The following C2CD5 variants were observed in gnomAD, a reference collection of about 807,000 sequenced individuals.
C2CD5 encodes C2 domain-containing protein 5.
Under a neutral mutation model 130.3 loss-of-function variants are expected in C2CD5, and 109 were observed. The ratio of observed to expected loss-of-function variants is 0.84; its 90% confidence interval spans 0.72 to 0.98. C2CD5 has a LOEUF of 0.98. Ranked by LOEUF, C2CD5 falls within the 50% of genes least tolerant of loss-of-function variation. C2CD5 has a pLI of 0.00. For synonymous variants in C2CD5, 454 were observed against 429.2 expected (o/e 1.06, Z -0.71); for missense variants, 996 against 1,261.8 (o/e 0.79, Z 3.19).
At chr12:22,457,972 G>A (rs1202893621) in intron 24 of C2CD5, among the ~76,000 whole-genome samples, 3 of 151,956 alleles carry the variant, frequency 2.0e-5, no homozygotes, top group Non-Finnish European at 4.4e-5. Flanking sequence ...TTAATGTACG[G>A]TAAGCTCTTT....
At chr12:22,486,699 CATTTA>C in intron 12 of C2CD5, among the ~76,000 whole-genome samples, 1 of 152,206 alleles carries the variant, frequency 6.6e-6, no homozygotes, top group Non-Finnish European at 1.5e-5. Flanking sequence ...GACAGAAGCT[CATTTA>C]ATTTATTGTT....
chr12:22,513,315 A>C lies in C2CD5; in HGVS notation c.1017T>G (p.Thr339=), dbSNP rs1949391719. Residue 339 remains threonine, a synonymous_variant, in exon 9 of 27, where the codon ACT becomes ACG. Transcript: ENST00000446597. ...GPFKALLRQQ[T]QSALEQREFP... is the part of the protein sequence containing the mutation. ...TTACCCTCTGTTCCAACGCTGATTG[A>C]GTCTGTTGTCTTAAAAGAGCTTTAA... 2 of 1,610,448 alleles carry C rather than the reference A, an allele frequency of 1.2e-6. No homozygotes were observed.
intron 9 of C2CD5, 44 bp downstream of exon 9, chr12:22,513,250 T>C (rs768212982): frequency 2.6e-5 from 33 of 1,289,344 alleles, no homozygotes; most frequent in African/African-American, 5.8e-5. Flanking sequence ...GATAACAAAG[T>C]CATATTAACA....
rs1160217165 is a variant in C2CD5 at position 22,535,253 on chromosome 12, CTTACCTCAAATTTAAACCACTCCGAG to C, written c.156_177+4del. 3 of 1,545,280 alleles carry C rather than the reference CTTACCTCAAATTTAAACCACTCCGAG, an allele frequency of 1.9e-6. No individual in the cohort carries two copies. Among genetic ancestry groups the C allele is most frequent in the Non-Finnish European group, 1.8e-6 (2 of 1,119,432 alleles). On this transcript the variant is annotated splice_donor_variant and splice_donor_region_variant and coding_sequence_variant and intron_variant, in exon 3 of 27. Transcript: ENST00000446597. LOFTEE classifies it high-confidence loss of function. ...ACTCAAAAATGCTGACATTTAAAAACTTACCTCAAATTTAAACCACTCCGAGTTCCACTGAGGGTTGAGTGACTTAA... is the reference window on the plus strand; with the variant it reads ...ACTCAAAAATGCTGACATTTAAAAACTTCCACTGAGGGTTGAGTGACTTAA...
intron 22 of C2CD5, chr12:22,460,465 AT>A (rs1272182682): frequency 6.6e-6 from 1 of 151,744 alleles, no homozygotes; most frequent in Non-Finnish European, 1.5e-5. Flanking sequence ...TTTTGGTAAC[AT>A]TCTTAAATTA....
In C2CD5 at chr12:22,525,648, C is replaced by A. The variant is rs139822705; in HGVS notation, c.407G>T (p.Arg136Leu). The A allele has an allele frequency of 1.3e-6, 2 of 1,588,502 alleles. No individual in the cohort carries two copies. Among genetic ancestry groups the A allele is most frequent in the Non-Finnish European group, 1.7e-6 (2 of 1,157,306 alleles). The change falls in exon 5 of 27, where the codon CGA becomes CTA. Residue 136 changes from arginine (R) to leucine (L), a missense_variant. By Grantham distance (102) the Arg-to-Leu change is moderately radical. Transcript: ENST00000446597. ...GACTCCACATGATGACTGCCTAAAT[C>A]GATTTAAATCATTGAAGAGGTCTAC... ...VKVDLFNDLN[R>L]FRQSSCGVKF...
intron 20 of C2CD5, 45 bp downstream of exon 20, chr12:22,471,354 A>G (rs1292527281): frequency 9.7e-7 from 1 of 1,035,626 alleles, no homozygotes; most frequent in Non-Finnish European, 1.5e-6. Context: ...TGAAAATAAT[A>G]AAACAGATCA....
rs373417935 is a variant in C2CD5, at chr12:22,452,937, G to C, written c.3024+959C>G. ...TAAAACAATTTTGCATTTCCATAAT[G>C]TCTTTTCAAACTGCTTATATATTTA... is the stretch of plus-strand genomic sequence containing the variant. On this transcript the variant is annotated intron_variant, in intron 26 of 26. Transcript: ENST00000446597. Among the ~76,000 whole-genome samples the C allele has an allele frequency of 2.6e-5, 4 of 151,980 alleles. No individual in the cohort carries two copies. In the East Asian group the frequency reaches 7.7e-4, roughly 29 times the overall value.
At chr12:22,528,363 C>T (rs1950916815) in intron 3 of C2CD5, among the ~76,000 whole-genome samples, 1 of 152,180 alleles carries the variant, frequency 6.6e-6, no homozygotes, top group South Asian at 2.1e-4. Context: ...CCTAAGTTCA[C>T]AAATTAAGTT....
intron 24 of C2CD5, among the ~76,000 whole-genome samples, chr12:22,457,713 A>G (rs1043369920): frequency 6.6e-6 from 1 of 152,168 alleles, no homozygotes; most frequent in Non-Finnish European, 1.5e-5. Context: ...AAAAAATAAT[A>G]GCTACCACTT....
At chr12:22,503,558 T>C (rs559723262) in intron 10 of C2CD5, among the ~76,000 whole-genome samples, 1 of 152,322 alleles carries the variant, frequency 6.6e-6, no homozygotes, top group South Asian at 2.1e-4. Context: ...TCACCTAGGC[T>C]GGAGTGCAGT....
chr12:22,541,775 C>A (rs1013023595), intron 2 of C2CD5, among the ~76,000 whole-genome samples: 6 of 152,122 alleles, frequency 3.9e-5, no homozygotes, highest in Non-Finnish European at 7.4e-5. Context: ...TTCATGGCAC[C>A]CATCCCAACT....
chr12:22,474,654 T>C (rs1052521407), intron 16 of C2CD5, 97 bp downstream of exon 16: 17 of 800,828 alleles, frequency 2.1e-5, no homozygotes, highest in Non-Finnish European at 3.0e-5. Context: ...TTTATAACAG[T>C]TGTAATGATA....
At position 22,472,750 on chromosome 12, in the gene C2CD5, G is replaced by T; in HGVS notation, c.2101C>A (p.Pro701Thr). 1 of 1,552,504 alleles carries T rather than the reference G, an allele frequency of 6.4e-7. No individual in the cohort carries two copies. Among genetic ancestry groups the T allele is most frequent in the Non-Finnish European group, 8.9e-7 (1 of 1,124,640 alleles). ...VHSLLTDVPP[P>T]SGFYSCNTEI... ...AGATAACTTTTTTGTTCACCTGAAG[G>T]AGGAGGAACATCAGTAAGTAGAGAA... The change falls in exon 17 of 27, where the codon CCT becomes ACT. Residue 701 changes from proline (P) to threonine (T), a missense_variant. Around this residue, in one of 9 missense-constraint regions of C2CD5, gnomAD observed 590 missense variants for 631.4 expected, o/e 0.93. Coordinates refer to ENST00000446597, the MANE Select transcript of C2CD5 (RefSeq NM_001286176.2).
intron 10 of C2CD5, among the ~76,000 whole-genome samples, chr12:22,493,787 C>T (rs1387309349): frequency 6.6e-6 from 1 of 151,682 alleles, no homozygotes; most frequent in African/African-American, 2.4e-5. Flanking sequence ...ATTGTGGGTT[C>T]TTTCCAAGGC....
At chr12:22,486,442 A>C (rs1012847236) in intron 12 of C2CD5, among the ~76,000 whole-genome samples, 1 of 152,188 alleles carries the variant, frequency 6.6e-6, no homozygotes, top group African/African-American at 2.4e-5. Context: ...GGGAAAACTA[A>C]TGAATTCATT....
chr12:22,491,282 C>T (rs1221385998), intron 11 of C2CD5, among the ~76,000 whole-genome samples: 2 of 152,158 alleles, frequency 1.3e-5, no homozygotes, highest in African/African-American at 4.8e-5. Context: ...CTATCATCAG[C>T]CATCCTGAGT....
chr12:22,450,010 G>C (rs1938200589), intron 26 of C2CD5, 119 bp from the exon 27 acceptor site: 2 of 726,362 alleles, frequency 2.8e-6, no homozygotes, highest in East Asian at 5.1e-5. Flanking sequence ...TTAGGATAAA[G>C]ATAGGCAATC....
At chr12:22,459,596 C>A in intron 22 of C2CD5, 54 bp from the exon 23 acceptor site, 2 of 1,104,964 alleles carry the variant, frequency 1.8e-6, no homozygotes, top group South Asian at 2.7e-5. Context: ...AAGCCAGTAC[C>A]TCTTCTTTGT....
Sources: gnomAD v4.1 joint callset for allele counts (sites outside exome capture counted in the v4.1 genomes callset) on GRCh38, gnomAD v4.1.1 for gene constraint, gnomAD v4.1.1 regional missense constraint, MANE v1.5 for transcripts, NCBI Gene and HGNC (gene_info 2026-07-23, HGNC 2026-07-21) for gene names.